Variants in KCNH8 observed in about 807,000 individuals in gnomAD.
KCNH8 encodes voltage-gated delayed rectifier potassium channel KCNH8.
Under a neutral mutation model 103.6 loss-of-function variants are expected in KCNH8, and 70 were observed. The ratio of observed to expected loss-of-function variants is 0.68; its 90% confidence interval spans 0.56 to 0.82. The LOEUF (loss-of-function observed/expected upper bound fraction) is 0.82. Among genes scored for constraint, KCNH8 ranks in the 40% least tolerant of loss-of-function variants. KCNH8 has a pLI of 0.00. For missense variants in KCNH8, 1,217 were observed against 1,329.9 expected (o/e 0.92, Z 1.32); for synonymous variants, 498 against 489.4 (o/e 1.02, Z -0.23).
At chr3:19,215,687 A>G (rs989724674) in intron 1 of KCNH8, among the ~76,000 whole-genome samples, 1 of 152,200 alleles carries the variant, frequency 6.6e-6, no homozygotes, top group African/African-American at 2.4e-5. Flanking sequence ...TATGACTCCA[A>G]TTACTTGACA....
At chr3:19,345,520 A>G (rs924872997) in intron 4 of KCNH8, among the ~76,000 whole-genome samples, 1 of 152,112 alleles carries the variant, frequency 6.6e-6, no homozygotes, top group Non-Finnish European at 1.5e-5. Context: ...AGATTAATAA[A>G]TAAGATAAAC....
rs546472291 is a variant in KCNH8 at position 19,208,246 on chromosome 3, G to A, written c.77-45408G>A. 3.3e-5 allele frequency among the ~76,000 whole-genome samples: 5 copies of A among 152,034 alleles called. No homozygotes were observed. The East Asian group carries it at 9.6e-4, about 29-fold the overall frequency. On this transcript the variant is annotated intron_variant, in intron 1 of 15. Coordinates refer to ENST00000328405, the MANE Select transcript of KCNH8 (RefSeq NM_144633.3). ...AAATGCTGGCAATTTGCAAAATATT[G>A]CATTATGTTTTATTCATAAGAAGAT...
intron 7 of KCNH8, among the ~76,000 whole-genome samples, chr3:19,419,606 T>G (rs1213562906): frequency 1.3e-5 from 2 of 152,008 alleles, no homozygotes; most frequent in East Asian, 3.9e-4. Flanking sequence ...TTTTTGTTAT[T>G]TTTTCATTGA....
intron 10 of KCNH8, among the ~76,000 whole-genome samples, chr3:19,454,871 A>G (rs2067506849): frequency 6.6e-6 from 1 of 152,114 alleles, no homozygotes; most frequent in African/African-American, 2.4e-5. Flanking sequence ...ACTAAACTCA[A>G]CAAAGACAAT....
intron 1 of KCNH8, among the ~76,000 whole-genome samples, chr3:19,206,168 G>GTGTGTGTGTGTATATATATATATATA (rs979868166): frequency 2.9e-5 from 4 of 139,262 alleles, no homozygotes; most frequent in African/African-American, 1.1e-4. Flanking sequence ...TGGTGTGTGT[G>GTGTGTGTGTGTATATATATATATATA]TATATATATA....
At chr3:19,178,142 G>C (rs531336287) in intron 1 of KCNH8, among the ~76,000 whole-genome samples, 1 of 151,882 alleles carries the variant, frequency 6.6e-6, no homozygotes, top group African/African-American at 2.4e-5. Flanking sequence ...TTCTGCACTG[G>C]ATTGTTAATA....
At chr3:19,299,314 A>C (rs572908861) in intron 3 of KCNH8, among the ~76,000 whole-genome samples, 3 of 152,084 alleles carry the variant, frequency 2.0e-5, no homozygotes, top group Non-Finnish European at 4.4e-5. Flanking sequence ...GGCCAGACAC[A>C]GTGTCTGATG....
intron 3 of KCNH8, among the ~76,000 whole-genome samples, chr3:19,315,514 A>C (rs2065262296): frequency 1.3e-5 from 2 of 152,056 alleles, no homozygotes; most frequent in South Asian, 4.1e-4. Flanking sequence ...GCTACCCAAC[A>C]CATAGTAGAT....
In KCNH8 at chr3:19,332,458, A is replaced by G. The variant is rs112908951; in HGVS notation, c.443-10129A>G. Among the ~76,000 whole-genome samples the G allele has an allele frequency of 3.3e-5, 5 of 152,226 alleles. 1 individual carries two copies. Among genetic ancestry groups the G allele is most frequent in the African/African-American group, 9.6e-5 (4 of 41,542 alleles). On this transcript the variant is annotated intron_variant, in intron 3 of 15. Coordinates refer to ENST00000328405, the MANE Select transcript of KCNH8 (RefSeq NM_144633.3). ...TTAAGTCTGAATTGTATTTCATGGT[A>G]TAGATAGACCAGTTTACTTAACAAT... is the stretch of plus-strand genomic sequence containing the variant.
intron 7 of KCNH8, among the ~76,000 whole-genome samples, chr3:19,419,401 C>T (rs1388983711): frequency 6.6e-6 from 1 of 151,222 alleles, no homozygotes; most frequent in Non-Finnish European, 1.5e-5. Context: ...GGGGTTTCAC[C>T]GTGTTAGCCA....
chr3:19,249,831 C>T (rs560903462), intron 1 of KCNH8, among the ~76,000 whole-genome samples: 22 of 152,154 alleles, frequency 1.4e-4, no homozygotes, highest in Non-Finnish European at 2.6e-4. Flanking sequence ...GAAGGAAATA[C>T]AATTTGTATG....
chr3:19,502,540 A>AACCAAAATAGCATGATACTGGT lies in KCNH8; in HGVS notation c.2041-7815_2041-7794dup, dbSNP rs1336417308. ...TCAAACTATACTACAAGGCTACAGTAACCAAAATAGCATGATACTGGTACC... is the reference window on the plus strand; with the variant it reads ...TCAAACTATACTACAAGGCTACAGTAACCAAAATAGCATGATACTGGTACCAAAATAGCATGATACTGGTACC... On this transcript the variant is annotated intron_variant, in intron 11 of 15. Transcript: ENST00000328405. Among the ~76,000 whole-genome samples, 3 of 152,346 alleles carry AACCAAAATAGCATGATACTGGT rather than the reference A, an allele frequency of 2.0e-5. No homozygotes were observed. In the East Asian group the frequency reaches 5.8e-4, roughly 29 times the overall value.
intron 10 of KCNH8, among the ~76,000 whole-genome samples, chr3:19,456,250 A>G (rs1016477920): frequency 2.0e-5 from 3 of 152,024 alleles, no homozygotes; most frequent in Admixed American, 2.0e-4. Flanking sequence ...TCTATTTTTT[A>G]TTTGACATAC....
At chr3:19,202,561 A>G (rs2063673960) in intron 1 of KCNH8, among the ~76,000 whole-genome samples, 1 of 152,132 alleles carries the variant, frequency 6.6e-6, no homozygotes, top group Admixed American at 6.6e-5. Flanking sequence ...AGATGCACAA[A>G]GCTGCCAAGC....
At chr3:19,174,505 A>T (rs947449499) in intron 1 of KCNH8, among the ~76,000 whole-genome samples, 1 of 152,216 alleles carries the variant, frequency 6.6e-6, no homozygotes, top group Non-Finnish European at 1.5e-5. Context: ...GGATTTATTT[A>T]AAAAGTTCTA....
intron 4 of KCNH8, among the ~76,000 whole-genome samples, chr3:19,347,502 A>G (rs1481715875): frequency 6.6e-6 from 1 of 152,058 alleles, no homozygotes; most frequent in Non-Finnish European, 1.5e-5. Flanking sequence ...TTACTCACTT[A>G]GCTTCATGAC....
chr3:19,489,127 T>G (rs79773461), intron 11 of KCNH8, among the ~76,000 whole-genome samples: 14,940 of 152,112 alleles, frequency 0.098, 1,582 homozygotes, highest in East Asian at 0.27. Flanking sequence ...AGTTTCTCCT[T>G]CAGCTTTACT....
At chr3:19,246,494 C>G (rs2064208605) in intron 1 of KCNH8, among the ~76,000 whole-genome samples, 1 of 151,808 alleles carries the variant, frequency 6.6e-6, no homozygotes, top group African/African-American at 2.4e-5. Context: ...CCAGGATGGT[C>G]TCGATCTCTT....
intron 11 of KCNH8, among the ~76,000 whole-genome samples, chr3:19,504,475 C>A (rs2068652544): frequency 6.6e-6 from 1 of 151,828 alleles, no homozygotes; most frequent in South Asian, 2.1e-4. Flanking sequence ...AACTTAAACA[C>A]ATTTACAAGC....
Sources: allele counts gnomAD v4.1 joint callset (sites outside exome capture counted in the v4.1 genomes callset), GRCh38; gene constraint gnomAD v4.1.1; transcripts MANE v1.5; gene names NCBI Gene and HGNC (gene_info 2026-07-23, HGNC 2026-07-21).